SLC39A6: variants seen among roughly 807,000 people sequenced by gnomAD.
SLC39A6 encodes zinc transporter ZIP6.
A neutral mutation model predicts 63.5 loss-of-function variants in SLC39A6; 51 were observed. The observed-to-expected ratio is 0.80, with a 90% confidence interval of 0.64 to 1.01. The LOEUF (loss-of-function observed/expected upper bound fraction) is 1.01. SLC39A6 is among the 50% of genes least tolerant of loss of function. SLC39A6 has a pLI of 0.00. For synonymous variants in SLC39A6, 318 were observed against 324.7 expected (o/e 0.98, Z 0.22); for missense variants, 805 against 927.8 (o/e 0.87, Z 1.72).
At chr18:36,120,675 T>A (rs1489150808) in intron 5 of SLC39A6, among the ~76,000 whole-genome samples, 1 of 152,094 alleles carries the variant, frequency 6.6e-6, no homozygotes, top group East Asian at 1.9e-4. Context: ...TTTTGGGGGG[T>A]AGAGACAGTG....
At chr18:36,113,617 C>A (rs961758778) in intron 7 of SLC39A6, among the ~76,000 whole-genome samples, 7 of 152,290 alleles carry the variant, frequency 4.6e-5, no homozygotes, top group Admixed American at 3.9e-4. Context: ...TCTGTTATCT[C>A]CCAATTGTGG....
At chr18:36,115,646 A>G (rs1474252982) in intron 6 of SLC39A6, among the ~76,000 whole-genome samples, 1 of 152,120 alleles carries the variant, frequency 6.6e-6, no homozygotes, top group Non-Finnish European at 1.5e-5. Flanking sequence ...TATTCCAAGT[A>G]CAAGGAATAG....
chr18:36,113,275 T>A (rs1422483969), intron 7 of SLC39A6, among the ~76,000 whole-genome samples: 2 of 151,896 alleles, frequency 1.3e-5, no homozygotes, highest in Non-Finnish European at 2.9e-5. Flanking sequence ...TTTTTTTTTT[T>A]ATTTGTAGAG....
chr18:36,109,779 A>G, intron 9 of SLC39A6, 34 bp from the exon 10 acceptor site: 1 of 1,574,638 alleles, frequency 6.4e-7, no homozygotes, highest in Non-Finnish European at 8.6e-7. Flanking sequence ...TAAGAGTGAC[A>G]TTTAAGTTTT....
At chr18:36,123,772 A>G (rs2089413269) in intron 3 of SLC39A6, 108 bp from the exon 4 acceptor site, 2 of 1,066,362 alleles carry the variant, frequency 1.9e-6, no homozygotes, top group South Asian at 3.5e-5. Context: ...GAGAGAAGCT[A>G]AAAACACACA....
chr18:36,109,717 C>G lies in SLC39A6; in HGVS notation c.2144G>C (p.Ser715Thr), dbSNP rs2089286157. Reference protein sequence around the residue: ...MVPEMLHNDASDHGCSRWGYF... With the variant: ...MVPEMLHNDATDHGCSRWGYF... ...CCCCCAGCGGCTACATCCATGGTCA[C>G]TAGCATCATTGTGCAGCATTTCAGG... Residue 715 changes from serine to threonine, a missense_variant, in exon 10 of 10, where the codon AGT becomes ACT. Coordinates refer to ENST00000269187, the MANE Select transcript of SLC39A6 (RefSeq NM_012319.4). 6.2e-7 allele frequency: 1 copy of G among 1,612,024 alleles called. No individual in the cohort carries two copies. The highest frequency in any genetic ancestry group is 1.3e-5 in the African/African-American group (1 of 74,832).
intron 1 of SLC39A6, among the ~76,000 whole-genome samples, 169 bp from the exon 2 acceptor site, chr18:36,127,185 T>C (rs992199227): frequency 1.3e-5 from 2 of 152,238 alleles, no homozygotes. Flanking sequence ...ACTAGAGTCC[T>C]AGGCTCTACC....
chr18:36,121,769 C>T (rs2089396312), intron 5 of SLC39A6, among the ~76,000 whole-genome samples: 1 of 152,094 alleles, frequency 6.6e-6, no homozygotes, highest in Non-Finnish European at 1.5e-5. Flanking sequence ...TCTTCAAGGC[C>T]CTGCTGGTAC....
chr18:36,125,023 G>T (rs180954652), intron 2 of SLC39A6, among the ~76,000 whole-genome samples: 82 of 152,262 alleles, frequency 5.4e-4, no homozygotes, highest in Admixed American at 1.2e-3. Context: ...TTAAGGAAAT[G>T]AGCTTTAATT....
chr18:36,112,923 C>T lies in SLC39A6; in HGVS notation c.1844-342G>A, dbSNP rs549315097. On this transcript the variant is annotated intron_variant, in intron 7 of 9. Transcript: ENST00000269187. ...TTAAAAGGTTTAGGAAAAAACTCTC[C>T]TGTCAAGGGTATAAACATGTTTCAC... Among the ~76,000 whole-genome samples the T allele has an allele frequency of 4.0e-4, 61 of 152,264 alleles. 1 individual carries two copies. The South Asian group carries it at 0.011, about 27-fold the overall frequency.
chr18:36,119,456 A>G (rs1020197441), intron 5 of SLC39A6, among the ~76,000 whole-genome samples: 1 of 152,202 alleles, frequency 6.6e-6, no homozygotes, highest in Non-Finnish European at 1.5e-5. Flanking sequence ...GGCTTTTAAG[A>G]GCTTACATTC....
intron 6 of SLC39A6, among the ~76,000 whole-genome samples, chr18:36,116,193 A>G (rs1785916): frequency 0.3 from 45,591 of 152,062 alleles, 7,250 homozygotes; most frequent in Middle Eastern, 0.46. Flanking sequence ...AAATTTCCTG[A>G]TTTAATAATT....
At chr18:36,121,667 T>C (rs1341424783) in intron 5 of SLC39A6, among the ~76,000 whole-genome samples, 1 of 140,140 alleles carries the variant, frequency 7.1e-6, no homozygotes, top group Non-Finnish European at 1.6e-5. Context: ...ACAGAACATT[T>C]AGCTACTGGG....
rs2089308603 is a variant in SLC39A6, at chr18:36,112,490, G to A, written c.1924+11C>T. The A allele has an allele frequency of 6.2e-7, 1 of 1,600,344 alleles. No homozygotes were observed. Among genetic ancestry groups the A allele is most frequent in the African/African-American group, 1.3e-5 (1 of 74,544 alleles). On this transcript the variant is annotated intron_variant, in intron 8 of 9. Coordinates refer to ENST00000269187, the MANE Select transcript of SLC39A6 (RefSeq NM_012319.4). ...CCCACTTGGCAAATACAATTTATGT[G>A]GTTCTCTTACCTAATTCATGAGGCA...
rs77385077 is a variant in SLC39A6, at chr18:36,123,910, T to C, written c.971-246A>G. 4.3e-3 allele frequency among the ~76,000 whole-genome samples: 649 copies of C among 151,918 alleles called. 7 individuals are homozygous for C. The highest frequency in any genetic ancestry group is 0.015 in the African/African-American group (605 of 41,424). ...TAAGGAGCATAGCTCTAATGGGAAA[T>C]TCTTCAGGTCGGGGTGAAAGAGGAA... is the stretch of plus-strand genomic sequence containing the variant. On this transcript the variant is annotated intron_variant, in intron 3 of 9. Coordinates refer to ENST00000269187, the MANE Select transcript of SLC39A6 (RefSeq NM_012319.4).
intron 5 of SLC39A6, among the ~76,000 whole-genome samples, chr18:36,119,357 T>C (rs1416053916): frequency 6.6e-6 from 1 of 152,154 alleles, no homozygotes; most frequent in East Asian, 1.9e-4. Flanking sequence ...TCATGCTCCT[T>C]AAACATTCAA....
In SLC39A6 at chr18:36,116,692, T is replaced by G; in HGVS notation, c.1447A>C (p.Lys483Gln). The G allele has an allele frequency of 6.2e-7, 1 of 1,610,662 alleles. No homozygotes were observed. Residue 483 changes from lysine to glutamine, a missense_variant, in exon 6 of 10, where the codon AAA (lysine) becomes CAA (glutamine). This residue lies in a region of SLC39A6 where 639 missense variants were observed against 644.0 expected (regional missense o/e 0.99). Transcript: ENST00000269187. ...AACTTACGATCATCTGTATCTACTT[T>G]CTCCTCATTTGTTGAAAGTTGAGAT... is the stretch of plus-strand genomic sequence containing the variant. Reference protein sequence around the residue: ...YESQLSTNEEKVDTDDRTEGY... With the variant: ...YESQLSTNEEQVDTDDRTEGY...
chr18:36,125,319 C>A (rs2089427519), intron 2 of SLC39A6, among the ~76,000 whole-genome samples: 1 of 149,782 alleles, frequency 6.7e-6, no homozygotes, highest in African/African-American at 2.5e-5. Flanking sequence ...TGAAGATACT[C>A]CTCTGTGCAA....
intron 7 of SLC39A6, among the ~76,000 whole-genome samples, chr18:36,113,020 TAAGAC>T (rs2089312997): frequency 6.6e-6 from 1 of 152,214 alleles, no homozygotes; most frequent in African/African-American, 2.4e-5. Context: ...GAGAAAACTC[TAAGAC>T]AAATAGCCGT....
Sources: allele counts gnomAD v4.1 joint callset (sites outside exome capture counted in the v4.1 genomes callset), GRCh38; gene constraint gnomAD v4.1.1; regional missense constraint gnomAD v4.1.1; transcripts MANE v1.5; gene names NCBI Gene and HGNC (gene_info 2026-07-23, HGNC 2026-07-21).